Variants in EP400 observed in about 807,000 individuals in gnomAD.
The protein encoded by EP400 is E1A-binding protein p400.
EP400 carries 105 observed loss-of-function variants against 354.1 expected under a neutral mutation model. The ratio of observed to expected loss-of-function variants is 0.30; its 90% confidence interval spans 0.25 to 0.35. EP400 has a LOEUF of 0.35. Ranked by LOEUF, EP400 falls within the 10% of genes least tolerant of loss-of-function variation. The pLI is 1.00. For synonymous variants in EP400, 1,646 were observed against 1,716.9 expected, an observed-to-expected ratio of 0.96 and a Z score of 1.02; for missense variants, 3,280 against 4,121.0, an observed-to-expected ratio of 0.80 and a Z score of 5.59.
chr12:132,007,707 T>C (rs985408902), intron 15 of EP400, among the ~76,000 whole-genome samples: 6 of 152,250 alleles, frequency 3.9e-5, no homozygotes, highest in African/African-American at 1.4e-4. Context: ...AGACTTAAAG[T>C]AGGCTTTGCT....
chr12:132,048,748 C>T (rs1294662344), intron 39 of EP400, among the ~76,000 whole-genome samples: 1 of 152,082 alleles, frequency 6.6e-6, no homozygotes, highest in Non-Finnish European at 1.5e-5. Flanking sequence ...CTAAATTTCA[C>T]CAGGTTGGCC....
At chr12:132,074,575 G>T (rs1466141546) in intron 51 of EP400, among the ~76,000 whole-genome samples, 1 of 152,112 alleles carries the variant, frequency 6.6e-6, no homozygotes, top group Non-Finnish European at 1.5e-5. Context: ...ATGTCTTTAG[G>T]AAATAAGCAG....
At chr12:132,024,013 C>T (rs768391813) in intron 24 of EP400, 72 bp downstream of exon 24, 125 of 1,431,716 alleles carry the variant, frequency 8.7e-5, no homozygotes, top group Admixed American at 3.6e-4. Context: ...CTGCTGCCCA[C>T]GGGCCTGCCT....
At chr12:132,041,460 C>A (rs1230004769) in intron 32 of EP400, among the ~76,000 whole-genome samples, 3 of 152,240 alleles carry the variant, frequency 2.0e-5, no homozygotes, top group Non-Finnish European at 2.9e-5. Context: ...TCTGCACTTT[C>A]CATACGTGGA....
In EP400 at chr12:131,990,676, G is replaced by C. The variant is rs1258417347; in HGVS notation, c.2591G>C (p.Arg864Thr). 23 of 1,612,908 alleles carry C rather than the reference G, an allele frequency of 1.4e-5. No homozygotes were observed. The highest frequency in any genetic ancestry group is 2.0e-5 in the Non-Finnish European group (23 of 1,179,442). ...IKLRVELEEK[R>T]KKALNLQKVS... The stretch of plus-strand genomic sequence containing the variant: ...CTACGAGTAGAATTAGAAGAAAAAA[G>C]GAAGAAGGCCTTAAATTTACAGAAA... The change falls in exon 9 of 53, where the codon AGG becomes ACG. Residue 864 changes from arginine (R) to threonine (T), a missense_variant. Transcript: ENST00000389561. This position sits in a 1 kb window ranked among gnomAD's most constrained non-coding sequence, Gnocchi z 4.2.
chr12:132,043,547 C>T (rs1035339582), intron 33 of EP400, 85 bp downstream of exon 33: 3 of 1,579,134 alleles, frequency 1.9e-6, no homozygotes, highest in South Asian at 1.2e-5. Context: ...CAAGAAAAAT[C>T]ACTTTTTGAT....
chr12:131,976,665 G>A lies in EP400; in HGVS notation c.1336-3029G>A, dbSNP rs554031847. Reference sequence around the variant, plus strand: ...GTGGAGGTTGCAGTGAGGCGAGATCGTACCATTGCACTCCAGCCTGGGCGA... The same window carrying A: ...GTGGAGGTTGCAGTGAGGCGAGATCATACCATTGCACTCCAGCCTGGGCGA... On this transcript the variant is annotated intron_variant, in intron 2 of 52. Coordinates refer to ENST00000389561, the MANE Select transcript of EP400 (RefSeq NM_015409.5). Among the ~76,000 whole-genome samples the A allele has an allele frequency of 3.9e-5, 6 of 152,238 alleles. No homozygotes were observed. The South Asian group carries it at 6.2e-4, about 16-fold the overall frequency.
At chr12:132,003,506 GT>G (rs950572405) in intron 12 of EP400, among the ~76,000 whole-genome samples, 10 of 151,650 alleles carry the variant, frequency 6.6e-5, no homozygotes, top group East Asian at 1.9e-4. Flanking sequence ...GTCTAAACAG[GT>G]TTTTTTTTCT....
chr12:131,974,570 A>G (rs1352489730), intron 2 of EP400, among the ~76,000 whole-genome samples: 3 of 152,096 alleles, frequency 2.0e-5, no homozygotes, highest in South Asian at 2.1e-4. Flanking sequence ...TGTGTTTTCC[A>G]TGGATAAGCT....
At chr12:132,039,590 C>T (rs1201409986) in intron 32 of EP400, among the ~76,000 whole-genome samples, 3 of 152,220 alleles carry the variant, frequency 2.0e-5, no homozygotes, top group Non-Finnish European at 4.4e-5. Flanking sequence ...CCGCCACCAC[C>T]CCGTTTCTCA....
In EP400 at chr12:132,045,565, G is replaced by C; in HGVS notation, c.7026+5G>C. On this transcript the variant is annotated splice_donor_5th_base_variant and intron_variant, in intron 38 of 52. Transcript: ENST00000389561. ...GAGGACTGGGCGCTGCTGCAGGTAG[G>C]TGGGCGTGGTCTTTGTGCCAGCGGT... The C allele has an allele frequency of 6.2e-7, 1 of 1,613,660 alleles. No individual in the cohort carries two copies. Among genetic ancestry groups the C allele is most frequent in the Non-Finnish European group, 8.5e-7 (1 of 1,179,624 alleles).
intron 30 of EP400, among the ~76,000 whole-genome samples, chr12:132,032,896 T>TG (rs2136560019): frequency 6.6e-6 from 1 of 152,318 alleles, no homozygotes; most frequent in Admixed American, 6.5e-5. Context: ...CCCAAAGTGC[T>TG]GGGATTACAG....
intron 41 of EP400, 30 bp from the exon 42 acceptor site, chr12:132,053,116 A>G: frequency 6.2e-7 from 1 of 1,612,926 alleles, no homozygotes; most frequent in Non-Finnish European, 8.5e-7. Context: ...ACTTGCCTGT[A>G]TGTTTTTAAC....
chr12:132,007,796 G>A (rs1893632960), intron 15 of EP400, among the ~76,000 whole-genome samples: 2 of 152,188 alleles, frequency 1.3e-5, no homozygotes, highest in Admixed American at 1.3e-4. Flanking sequence ...TTTAAATTAG[G>A]AGGGTCAGCT....
At chr12:132,040,335 TC>T (rs1894856536) in intron 32 of EP400, among the ~76,000 whole-genome samples, 1 of 151,704 alleles carries the variant, frequency 6.6e-6, no homozygotes, top group Non-Finnish European at 1.5e-5. Context: ...GAAATAGAGC[TC>T]CCACCTGATC....
chr12:131,997,061 A>G (rs11246890), intron 12 of EP400, among the ~76,000 whole-genome samples: 1,777 of 152,222 alleles, frequency 0.012, 16 homozygotes, highest in Middle Eastern at 0.041. Flanking sequence ...TATTATAGCC[A>G]TGAGGAAAAA....
chr12:132,066,670 T>A (rs1406214903), intron 48 of EP400, 104 bp from the exon 49 acceptor site: 2 of 1,230,838 alleles, frequency 1.6e-6, no homozygotes, highest in African/African-American at 1.6e-5. Context: ...ACTTTGTTGA[T>A]CTTTGTAAAT....
intron 45 of EP400, among the ~76,000 whole-genome samples, chr12:132,058,659 G>T (rs1007355868): frequency 4.6e-5 from 7 of 152,090 alleles, no homozygotes; most frequent in Admixed American, 1.3e-4. Context: ...CTAGACTATG[G>T]ATTTTATTCA....
intron 34 of EP400, among the ~76,000 whole-genome samples, chr12:132,043,946 T>C (rs1252949139): frequency 6.6e-6 from 1 of 152,268 alleles, no homozygotes; most frequent in Non-Finnish European, 1.5e-5. Flanking sequence ...TCTCCCCTCG[T>C]AGGGACCGTG....
Sources: gnomAD v4.1 joint callset for allele counts (sites outside exome capture counted in the v4.1 genomes callset) on GRCh38, gnomAD v4.1.1 for gene constraint, Gnocchi (gnomAD v3.1) non-coding constraint, MANE v1.5 for transcripts, NCBI Gene and HGNC (gene_info 2026-07-23, HGNC 2026-07-21) for gene names.